UPK1B: variants seen among roughly 807,000 people sequenced by gnomAD.
UPK1B encodes uroplakin 1B, also known as uroplakin-1b.
Under a neutral mutation model 34.2 loss-of-function variants are expected in UPK1B, and 28 were observed. That is an observed-to-expected ratio of 0.82 (90% CI 0.61 to 1.12). The LOEUF is 1.12. Ranked by LOEUF, UPK1B falls within the 50% of genes most tolerant of loss-of-function variation. UPK1B has a pLI of 0.00. For missense variants in UPK1B, 325 were observed against 320.9 expected, an observed-to-expected ratio of 1.01 and a Z score of -0.10; for synonymous variants, 81 against 110.4, an observed-to-expected ratio of 0.73 and a Z score of 1.67.
intron 5 of UPK1B, among the ~76,000 whole-genome samples, chr3:119,192,715 T>C (rs1444526687): frequency 1.3e-5 from 2 of 152,198 alleles, no homozygotes; most frequent in Non-Finnish European, 2.9e-5. Context: ...ACACAGGCTG[T>C]CCTTTGTCCA....
chr3:119,181,316 AAAT>A lies in UPK1B; in HGVS notation c.-28-5386_-28-5384del, dbSNP rs557843891. ...TTGAAAATGTTGCTCTGTATCAAAA[AAAT>A]AATAATAATAAACCACTGGTTTTAG... On this transcript the variant is annotated intron_variant, in intron 1 of 7. Transcript: ENST00000264234. Among the ~76,000 whole-genome samples the A allele has an allele frequency of 5.9e-5, 9 of 152,298 alleles. 1 individual carries two copies. In the South Asian group the frequency reaches 1.9e-3, roughly 32 times the overall value.
At chr3:119,181,994 G>A (rs2077991946) in intron 1 of UPK1B, among the ~76,000 whole-genome samples, 2 of 152,238 alleles carry the variant, frequency 1.3e-5, no homozygotes, top group Admixed American at 6.5e-5. Context: ...GCAGTGTGGG[G>A]CAGAGGCCTT....
intron 1 of UPK1B, among the ~76,000 whole-genome samples, chr3:119,177,950 A>G (rs1159674593): frequency 2.0e-5 from 3 of 152,202 alleles, no homozygotes; most frequent in African/African-American, 7.2e-5. Flanking sequence ...GGGTAAGAGA[A>G]GTTGAGGAGA....
intron 7 of UPK1B, among the ~76,000 whole-genome samples, chr3:119,199,946 T>TA (rs2078084280): frequency 6.6e-6 from 1 of 152,226 alleles, no homozygotes; most frequent in African/African-American, 2.4e-5. Context: ...TTTAAAATAA[T>TA]AAGCCCATTA....
At chr3:119,183,333 C>G (rs566862504) in intron 1 of UPK1B, among the ~76,000 whole-genome samples, 1 of 149,992 alleles carries the variant, frequency 6.7e-6, no homozygotes, top group Non-Finnish European at 1.5e-5. Context: ...CCAATCATGG[C>G]TCACCACAAC....
Position 119,204,096 on chromosome 3 carries a change from G to C in UPK1B, c.*129G>C, listed in dbSNP as rs925700905. ...TGTGTCTTACATTGCCAAGTCAGATGGTACGGACTTCCTTTAGGATCTCAG... is the reference window on the plus strand; with the variant it reads ...TGTGTCTTACATTGCCAAGTCAGATCGTACGGACTTCCTTTAGGATCTCAG... On this transcript the variant is annotated 3_prime_UTR_variant, in exon 8 of 8. Coordinates refer to ENST00000264234, the MANE Select transcript of UPK1B (RefSeq NM_006952.4). 6 of 1,022,502 alleles carry C rather than the reference G, an allele frequency of 5.9e-6. No homozygotes were observed. The African/African-American group carries it at 6.4e-5, about 11-fold the overall frequency. 63.3% of individuals were successfully genotyped at this position (1,022,502 alleles called of 1,614,324 possible). A position where few individuals can be genotyped will look rare whatever the true frequency, so the allele number is the denominator to read the frequency against.
At chr3:119,192,531 CAT>C (rs990787614) in intron 5 of UPK1B, among the ~76,000 whole-genome samples, 20 of 152,214 alleles carry the variant, frequency 1.3e-4, no homozygotes, top group African/African-American at 4.8e-4. Context: ...CACTATTTCA[CAT>C]GTTCTTCCTT....
intron 4 of UPK1B, 69 bp downstream of exon 4, chr3:119,190,388 C>T: frequency 2.5e-6 from 3 of 1,207,148 alleles, no homozygotes; most frequent in Non-Finnish European, 2.4e-6. Flanking sequence ...TGTATTAACC[C>T]CTTACTATGT....
At chr3:119,184,297 G>A (rs74874992) in intron 1 of UPK1B, among the ~76,000 whole-genome samples, 8,456 of 152,162 alleles carry the variant, frequency 0.056, 282 homozygotes, top group Admixed American at 0.082. Flanking sequence ...TCCCTTGATC[G>A]GGGCCCCTGC....
At chr3:119,185,554 C>T (rs770629150) in intron 1 of UPK1B, among the ~76,000 whole-genome samples, 6 of 152,080 alleles carry the variant, frequency 3.9e-5, no homozygotes, top group East Asian at 1.9e-4. Flanking sequence ...TACGTCTTCC[C>T]GCCTCAGGAC....
rs764056023 is a variant in UPK1B, at chr3:119,187,996, G to C, written c.270+21G>C. Reference sequence around the variant, plus strand: ...TGGCGGTAAGACCTCAAAATTCTCTGGAGTTGTCTCCCTGAGCCAATTGTA... The same window carrying C: ...TGGCGGTAAGACCTCAAAATTCTCTCGAGTTGTCTCCCTGAGCCAATTGTA... On this transcript the variant is annotated intron_variant, in intron 3 of 7. Transcript: ENST00000264234. 3.1e-6 allele frequency: 5 copies of C among 1,613,414 alleles called. No individual in the cohort carries two copies. In the South Asian group the frequency reaches 5.5e-5, roughly 18 times the overall value.
In UPK1B at chr3:119,199,182, A is replaced by G; in HGVS notation, c.732+42A>G. On this transcript the variant is annotated intron_variant, in intron 7 of 7. Transcript: ENST00000264234. Reference sequence around the variant, plus strand: ...ACATATTTTATCTGAGAGGATGATCATACGGAGAGACCTTGAGAGTGCCAC... The same window carrying G: ...ACATATTTTATCTGAGAGGATGATCGTACGGAGAGACCTTGAGAGTGCCAC... 3 of 1,607,836 alleles carry G rather than the reference A, an allele frequency of 1.9e-6. No homozygotes were observed. In the South Asian group the frequency reaches 3.3e-5, roughly 18 times the overall value.
intron 7 of UPK1B, among the ~76,000 whole-genome samples, chr3:119,200,335 G>A (rs2078085744): frequency 6.6e-6 from 1 of 152,182 alleles, no homozygotes; most frequent in Non-Finnish European, 1.5e-5. Flanking sequence ...TTATGGCCAT[G>A]AGCACTGCAC....
chr3:119,203,699 A>G (rs2078104396), intron 7 of UPK1B, among the ~76,000 whole-genome samples: 1 of 152,234 alleles, frequency 6.6e-6, no homozygotes, highest in African/African-American at 2.4e-5. Flanking sequence ...CAACAGGTGC[A>G]GCAAACCACC....
At chr3:119,203,800 AAAC>A (rs368534491) in intron 7 of UPK1B, 114 bp from the exon 8 acceptor site, 86 of 1,080,714 alleles carry the variant, frequency 8.0e-5, no homozygotes, top group Admixed American at 4.0e-4. Context: ...AAAAACAAAC[AAAC>A]AAAAAAATCT....
chr3:119,200,473 C>CTT (rs1245280808), intron 7 of UPK1B, among the ~76,000 whole-genome samples: 1 of 152,198 alleles, frequency 6.6e-6, no homozygotes, highest in Non-Finnish European at 1.5e-5. Flanking sequence ...TTGCATATAT[C>CTT]TTTCAGCCAT....
At chr3:119,202,833 T>C (rs111799021) in intron 7 of UPK1B, among the ~76,000 whole-genome samples, 5 of 152,072 alleles carry the variant, frequency 3.3e-5, no homozygotes, top group African/African-American at 1.2e-4. Flanking sequence ...CAGGAAGGCA[T>C]TGGAGGATAA....
chr3:119,203,214 GCCTGTAGT>G (rs1024818376), intron 7 of UPK1B, among the ~76,000 whole-genome samples: 57 of 151,658 alleles, frequency 3.8e-4, no homozygotes, highest in African/African-American at 1.3e-3. Context: ...GGTGGCGCGT[GCCTGTAGT>G]CCCAGCTACA....
intron 5 of UPK1B, 105 bp downstream of exon 5, chr3:119,191,209 A>G: frequency 7.7e-7 from 1 of 1,303,212 alleles, no homozygotes; most frequent in East Asian, 2.3e-5. Flanking sequence ...AGCCATGATG[A>G]TTAGCTTACA....
Sources: allele counts gnomAD v4.1 joint callset (sites outside exome capture counted in the v4.1 genomes callset), GRCh38; gene constraint gnomAD v4.1.1; transcripts MANE v1.5; gene names NCBI Gene and HGNC (gene_info 2026-07-23, HGNC 2026-07-21).